The following WDFY3 variants were observed in gnomAD, a reference collection of about 807,000 sequenced individuals.
WDFY3 encodes the protein WD repeat and FYVE domain containing 3.
In WDFY3, 66 loss-of-function variants were observed where a neutral mutation model predicts 409.6. That is an observed-to-expected ratio of 0.16 (90% confidence interval 0.13 to 0.20). WDFY3 has a LOEUF of 0.20. Ranked by LOEUF, WDFY3 falls within the 10% of genes least tolerant of loss-of-function variation. WDFY3 has a pLI of 1.00. For synonymous variants in WDFY3, 1,521 were observed against 1,537.1 expected, an observed-to-expected ratio of 0.99 and a Z score of 0.25; for missense variants, 3,031 against 4,298.1, an observed-to-expected ratio of 0.71 and a Z score of 8.24.
At position 84,712,804 on chromosome 4, in the gene WDFY3, G is replaced by A. The variant is rs975546793; in HGVS notation, c.8042+355C>T. On this transcript the variant is annotated intron_variant, in intron 51 of 67. Transcript: ENST00000295888. Reference sequence around the variant, plus strand: ...TTTATATATGTGATGAATAGATAGCGAATAATAGTTATGTTTCTGAATAGT... The same window carrying A: ...TTTATATATGTGATGAATAGATAGCAAATAATAGTTATGTTTCTGAATAGT... Among the ~76,000 whole-genome samples, 12 of 152,074 alleles carry A rather than the reference G, an allele frequency of 7.9e-5. 1 individual carries two copies. The highest frequency in any genetic ancestry group is 2.1e-4 in the South Asian group (1 of 4,832).
At chr4:84,695,469 G>GT (rs1234440490) in intron 58 of WDFY3, among the ~76,000 whole-genome samples, 1 of 150,734 alleles carries the variant, frequency 6.6e-6, no homozygotes, top group Non-Finnish European at 1.5e-5. Context: ...GTGTGTGTGT[G>GT]TGTGTGTGTC....
intron 5 of WDFY3, among the ~76,000 whole-genome samples, chr4:84,843,658 CA>C (rs1217196418): frequency 2.0e-5 from 3 of 152,150 alleles, no homozygotes; most frequent in African/African-American, 7.2e-5. Flanking sequence ...CTTGGTTTCC[CA>C]AACTACTGGG....
intron 3 of WDFY3, among the ~76,000 whole-genome samples, chr4:84,893,316 G>A (rs918173273): frequency 6.6e-6 from 1 of 152,184 alleles, no homozygotes; most frequent in Non-Finnish European, 1.5e-5. Flanking sequence ...ACTCTGTGCT[G>A]TGTTTAAAAT....
chr4:84,961,351 T>C (rs1774889948), intron 1 of WDFY3, among the ~76,000 whole-genome samples: 1 of 152,166 alleles, frequency 6.6e-6, no homozygotes, highest in Admixed American at 6.5e-5. Context: ...AAGCAAATTG[T>C]TGGCATACAG....
rs150840972 is a variant in WDFY3, at chr4:84,696,307, T to C, written c.8689-125A>G. The C allele has an allele frequency of 1.5e-4, 124 of 837,818 alleles. 1 individual carries two copies. The East Asian group carries it at 3.2e-3, about 22-fold the overall frequency. 51.9% of individuals were successfully genotyped at this position (837,818 alleles called of 1,614,324 possible). A position where few individuals can be genotyped will look rare whatever the true frequency, so the allele number is the denominator to read the frequency against. On this transcript the variant is annotated intron_variant, in intron 57 of 67. Coordinates refer to ENST00000295888, the MANE Select transcript of WDFY3 (RefSeq NM_014991.6). ...AAAAATCATAAAAACAACATAGTAT[T>C]CCCCTCTTATTTGTGGTTTCACTTT...
chr4:84,951,257 C>T lies in WDFY3; in HGVS notation c.-226+14952G>A, dbSNP rs1773573844. 2.0e-5 allele frequency among the ~76,000 whole-genome samples: 3 copies of T among 152,234 alleles called. No individual in the cohort carries two copies. The East Asian group carries it at 5.8e-4, about 29-fold the overall frequency. On this transcript the variant is annotated intron_variant, in intron 1 of 67. Coordinates refer to ENST00000295888, the MANE Select transcript of WDFY3 (RefSeq NM_014991.6). Reference sequence around the variant, plus strand: ...GGTCAACATGTTTATCTTCTATTTTCTTCGTTTGTTTTTATCATATTTTTT... The same window carrying T: ...GGTCAACATGTTTATCTTCTATTTTTTTCGTTTGTTTTTATCATATTTTTT...
intron 15 of WDFY3, 23 bp downstream of exon 15, chr4:84,808,311 G>T: frequency 1.3e-6 from 2 of 1,586,432 alleles, no homozygotes; most frequent in South Asian, 2.2e-5. Context: ...AATAGAGACT[G>T]ACTTCTCTTA....
At chr4:84,812,716 A>T (rs887207623) in intron 13 of WDFY3, among the ~76,000 whole-genome samples, 12 of 152,252 alleles carry the variant, frequency 7.9e-5, no homozygotes, top group Admixed American at 4.6e-4. Flanking sequence ...GAGGTTAGAA[A>T]AACTGCTGCT....
At position 84,678,292 on chromosome 4, in the gene WDFY3, A is replaced by G. The variant is rs966229140; in HGVS notation, c.10148-13T>C. 3.8e-6 allele frequency: 6 copies of G among 1,595,254 alleles called. No individual in the cohort carries two copies. The Admixed American group carries it at 8.3e-5, about 22-fold the overall frequency. The stretch of plus-strand genomic sequence containing the variant: ...TCCCATCGGTACCCTGGAATGGAGA[A>G]GTGGAGGACACAACATAACTCAACT... On this transcript the variant is annotated splice_polypyrimidine_tract_variant and intron_variant, in intron 65 of 67. Coordinates refer to ENST00000295888, the MANE Select transcript of WDFY3 (RefSeq NM_014991.6).
chr4:84,765,900 T>C lies in WDFY3; in HGVS notation c.5098A>G (p.Ile1700Val), dbSNP rs939690966. 1.9e-6 allele frequency: 3 copies of C among 1,613,998 alleles called. No homozygotes were observed. Among genetic ancestry groups the C allele is most frequent in the Non-Finnish European group, 2.5e-6 (3 of 1,179,946 alleles). Residue 1700 changes from isoleucine to valine, a missense_variant, in exon 32 of 68, where the codon ATT (isoleucine) becomes GTT (valine). By Grantham distance (29) the Ile-to-Val change is conservative. This residue lies in a region of WDFY3 where 342 missense variants were observed against 463.7 expected (regional missense o/e 0.74). Transcript: ENST00000295888. The stretch of plus-strand genomic sequence containing the variant: ...AGTCCTTCTTTAAACTTGATGAGAA[T>C]AGACTGATTACTTAGTAGGACAACA... ...ILVVLLSNQS[I>V]LIKFKEGLSG...
intron 34 of WDFY3, among the ~76,000 whole-genome samples, chr4:84,754,402 T>C (rs1224541429): frequency 6.6e-6 from 1 of 152,226 alleles, no homozygotes; most frequent in South Asian, 2.1e-4. Flanking sequence ...ACTTTTCTTA[T>C]GTCTTTATAG....
chr4:84,936,704 G>T (rs1771459156), intron 1 of WDFY3, among the ~76,000 whole-genome samples: 1 of 151,390 alleles, frequency 6.6e-6, no homozygotes, highest in African/African-American at 2.4e-5. Context: ...GGCCTCCCAG[G>T]ACTCCTGCCA....
At chr4:84,770,178 A>G (rs1405799569) in intron 30 of WDFY3, among the ~76,000 whole-genome samples, 1 of 151,616 alleles carries the variant, frequency 6.6e-6, no homozygotes, top group Admixed American at 6.6e-5. Context: ...ACAGGCGCCC[A>G]CCACCACGCC....
At chr4:84,772,079 G>A (rs1268991928) in intron 30 of WDFY3, among the ~76,000 whole-genome samples, 2 of 152,142 alleles carry the variant, frequency 1.3e-5, no homozygotes, top group African/African-American at 4.8e-5. Context: ...CCACCCTCCA[G>A]GTAGATGGGG....
At chr4:84,685,746 T>C (rs1728203723) in intron 62 of WDFY3, among the ~76,000 whole-genome samples, 1 of 152,212 alleles carries the variant, frequency 6.6e-6, no homozygotes, top group Non-Finnish European at 1.5e-5. Flanking sequence ...TTTCATGACT[T>C]ATTAAGATAT....
At chr4:84,813,950 A>G (rs183983583) in intron 13 of WDFY3, among the ~76,000 whole-genome samples, 74 of 152,330 alleles carry the variant, frequency 4.9e-4, no homozygotes, top group Admixed American at 1.4e-3. Context: ...CAAAATTGTC[A>G]TTATACACCA....
chr4:84,751,164 TTGAACAGATG>T (rs1740450007), intron 36 of WDFY3: 1 of 373,316 alleles, frequency 2.7e-6, no homozygotes, highest in South Asian at 2.5e-5. Context: ...TACAACATAC[TTGAACAGATG>T]TGACAGAGAC....
At chr4:84,845,315 C>A (rs1020909485) in intron 5 of WDFY3, among the ~76,000 whole-genome samples, 2 of 152,088 alleles carry the variant, frequency 1.3e-5, no homozygotes, top group Non-Finnish European at 1.5e-5. Flanking sequence ...AGACAAAATT[C>A]TTTTCAATGA....
At chr4:84,883,292 A>C (rs777231941) in intron 3 of WDFY3, among the ~76,000 whole-genome samples, 121 of 152,196 alleles carry the variant, frequency 8.0e-4, no homozygotes, top group Non-Finnish European at 6.9e-4. Context: ...TATTCTTATC[A>C]GTTAGCTTTT....
Sources: allele counts gnomAD v4.1 joint callset (sites outside exome capture counted in the v4.1 genomes callset), GRCh38; gene constraint gnomAD v4.1.1; regional missense constraint gnomAD v4.1.1; transcripts MANE v1.5; gene names NCBI Gene and HGNC (gene_info 2026-07-23, HGNC 2026-07-21).